Variants in VLDLR observed in about 807,000 individuals in gnomAD.
The protein encoded by VLDLR is very low-density lipoprotein receptor.
VLDLR carries 81 observed loss-of-function variants against 112.7 expected under a neutral mutation model. That is an observed-to-expected ratio of 0.72 (90% CI 0.60 to 0.86). The LOEUF (loss-of-function observed/expected upper bound fraction) is 0.86. VLDLR is among the 40% of genes least tolerant of loss of function. The pLI is 0.00. For synonymous variants in VLDLR, 436 were observed against 384.8 expected, an observed-to-expected ratio of 1.13 and a Z score of -1.56; for missense variants, 1,237 against 1,099.4, an observed-to-expected ratio of 1.13 and a Z score of -1.77.
At chr9:2,631,371 T>C (rs1192235431) in intron 1 of VLDLR, among the ~76,000 whole-genome samples, 1 of 152,214 alleles carries the variant, frequency 6.6e-6, no homozygotes, top group Non-Finnish European at 1.5e-5. Context: ...GGCATGTTTA[T>C]TGCAGCACTA....
rs1306172005 is a variant in VLDLR, at chr9:2,641,448, A to C, written c.397A>C (p.Arg133=). 5 of 1,614,072 alleles carry C rather than the reference A, an allele frequency of 3.1e-6. No homozygotes were observed. The Admixed American group carries it at 6.7e-5, about 22-fold the overall frequency. Residue 133 remains arginine, a synonymous_variant, in exon 4 of 19, where the codon AGA becomes CGA. Transcript: ENST00000382100. ...TACTCAGTGTATCCCAGTGTCCTGG[A>C]GATGTGATGGTGAAAATGATTGTGA... is the stretch of plus-strand genomic sequence containing the variant. The part of the protein sequence containing the change: ...HSTQCIPVSW[R]CDGENDCDSG...
In VLDLR at chr9:2,648,791, T is replaced by C. The variant is rs748367754; in HGVS notation, c.2085T>C (p.His695=). The change falls in exon 14 of 19, where the codon CAT becomes CAC. Residue 695 remains histidine, a synonymous_variant. Coordinates refer to ENST00000382100, the MANE Select transcript of VLDLR (RefSeq NM_003383.5). The part of the protein sequence containing the change: ...LNDAQDIIVY[H]ELVQPSGKNW... ...ATGCCCAAGACATCATTGTCTATCA[T>C]GAACTTGTACAGCCATCAGGTACCG... 5.0e-6 allele frequency: 8 copies of C among 1,614,044 alleles called. No individual in the cohort carries two copies. The African/African-American group carries it at 6.7e-5, about 13-fold the overall frequency.
Position 2,647,567 on chromosome 9 carries a change from C to A in VLDLR, c.1797C>A (p.Ile599=). ...FDRRPLVTAD[I]QWPNGITLDL... is the part of the protein sequence containing the mutation. The stretch of plus-strand genomic sequence containing the variant: ...GACGTCCACTGGTGACAGCGGATAT[C>A]CAGTGGCCTAACGGAATTACACTTG... Residue 599 remains isoleucine (I), a synonymous_variant, in exon 12 of 19, where the codon ATC becomes ATA. Coordinates refer to ENST00000382100, the MANE Select transcript of VLDLR (RefSeq NM_003383.5). 6.2e-7 allele frequency: 1 copy of A among 1,614,096 alleles called. No individual in the cohort carries two copies. The highest frequency in any genetic ancestry group is 8.5e-7 in the Non-Finnish European group (1 of 1,179,954).
At position 2,643,944 on chromosome 9, in the gene VLDLR, C is replaced by G; in HGVS notation, c.1051C>G (p.Pro351Ala). 6.2e-7 allele frequency: 1 copy of G among 1,614,014 alleles called. No homozygotes were observed. The highest frequency in any genetic ancestry group is 8.5e-7 in the Non-Finnish European group (1 of 1,180,016). Residue 351 changes from proline to alanine, a missense_variant, in exon 7 of 19, where the codon CCC (proline) becomes GCC (alanine). Physicochemically the swap from Pro to Ala is conservative, Grantham distance 27. Coordinates refer to ENST00000382100, the MANE Select transcript of VLDLR (RefSeq NM_003383.5). Reference sequence around the variant, plus strand: ...GGACTGCAGGGACTGGAGTGATGAGCCCCTGAAAGAGTGTCGTAAGTGTAC... The same window carrying G: ...GGACTGCAGGGACTGGAGTGATGAGGCCCTGAAAGAGTGTCGTAAGTGTAC... ...EQDCRDWSDEPLKECHINECL... is the reference protein window; with the variant it reads ...EQDCRDWSDEALKECHINECL...
At position 2,638,290 on chromosome 9, in the gene VLDLR, T is replaced by A. The variant is rs371805276; in HGVS notation, c.203-1569T>A. On this transcript the variant is annotated intron_variant, in intron 2 of 18. Transcript: ENST00000382100. ...TCAACCCATCTTGAGTTCTAGAAAT[T>A]AACTGTAATCACTGTCTCTCTCCTT... 7.2e-5 allele frequency among the ~76,000 whole-genome samples: 11 copies of A among 152,280 alleles called. No homozygotes were observed. The East Asian group carries it at 9.7e-4, about 13-fold the overall frequency.
intron 18 of VLDLR, 26 bp from the exon 19 acceptor site, chr9:2,653,807 C>T (rs752149286): frequency 6.8e-6 from 11 of 1,613,810 alleles, no homozygotes; most frequent in Middle Eastern, 1.7e-4. Flanking sequence ...TCACCAAGCT[C>T]ATTCTATACT....
intron 16 of VLDLR, 31 bp downstream of exon 16, chr9:2,651,529 C>T (rs890827056): frequency 2.8e-5 from 44 of 1,549,148 alleles, no homozygotes; most frequent in Non-Finnish European, 3.7e-5. Flanking sequence ...AACTGTTAAT[C>T]TCAACTAACA....
In VLDLR at chr9:2,643,827, C is replaced by T. The variant is rs780867114; in HGVS notation, c.944-10C>T. The T allele has an allele frequency of 7.4e-6, 12 of 1,614,184 alleles. No individual in the cohort carries two copies. The highest frequency in any genetic ancestry group is 2.2e-5 in the East Asian group (1 of 44,884). Reference sequence around the variant, plus strand: ...CTCATGGAATCTCTCTTCTTTGTTTCTCTTTGTAGTCAATCAGTGCTTGGG... The same window carrying T: ...CTCATGGAATCTCTCTTCTTTGTTTTTCTTTGTAGTCAATCAGTGCTTGGG... On this transcript the variant is annotated splice_polypyrimidine_tract_variant and intron_variant, in intron 6 of 18. Transcript: ENST00000382100.
intron 2 of VLDLR, among the ~76,000 whole-genome samples, chr9:2,637,386 T>C (rs987668148): frequency 1.3e-5 from 2 of 152,218 alleles, no homozygotes; most frequent in African/African-American, 4.8e-5. Context: ...AACTCATTCT[T>C]TTATAATGTT....
intron 15 of VLDLR, 129 bp downstream of exon 15, chr9:2,650,645 G>A: frequency 7.7e-7 from 1 of 1,301,428 alleles, no homozygotes; most frequent in Non-Finnish European, 1.1e-6. Context: ...ATCTGCTATT[G>A]TATGCCGGGT....
In VLDLR at chr9:2,641,482, A is replaced by G; in HGVS notation, c.431A>G (p.Glu144Gly). 1 of 1,614,132 alleles carries G rather than the reference A, an allele frequency of 6.2e-7. No individual in the cohort carries two copies. The highest frequency in any genetic ancestry group is 8.5e-7 in the Non-Finnish European group (1 of 1,180,020). The change falls in exon 4 of 19, where the codon GAA becomes GGA. Residue 144 changes from glutamate to glycine, a missense_variant. Physicochemically the swap from Glu to Gly is moderately conservative, Grantham distance 98. Transcript: ENST00000382100. ...GGTGAAAATGATTGTGACAGTGGAGAAGATGAAGAAAACTGTGGTAAGAAG... is the reference window on the plus strand; with the variant it reads ...GGTGAAAATGATTGTGACAGTGGAGGAGATGAAGAAAACTGTGGTAAGAAG... Reference protein sequence around the residue: ...CDGENDCDSGEDEENCGNITC... With the variant: ...CDGENDCDSGGDEENCGNITC...
chr9:2,644,786 C>G lies in VLDLR; in HGVS notation c.1119C>G (p.Asp373Glu), dbSNP rs1443796712. 3.1e-6 allele frequency: 5 copies of G among 1,614,020 alleles called. No individual in the cohort carries two copies. The African/African-American group carries it at 4.0e-5, about 13-fold the overall frequency. Reference sequence around the variant, plus strand: ...GTGGATGTTCTCATATCTGCAAAGACCTAGTTATAGGCTACGAGTGTGACT... The same window carrying G: ...GTGGATGTTCTCATATCTGCAAAGAGCTAGTTATAGGCTACGAGTGTGACT... ...NNGGCSHICK[D>E]LVIGYECDCA... The change falls in exon 8 of 19, where the codon GAC becomes GAG. Residue 373 changes from aspartate (D) to glutamate (E), a missense_variant. Physicochemically the swap from Asp to Glu is conservative, Grantham distance 45. Coordinates refer to ENST00000382100, the MANE Select transcript of VLDLR (RefSeq NM_003383.5).
intron 7 of VLDLR, among the ~76,000 whole-genome samples, chr9:2,644,164 T>G (rs1239640032): frequency 2.8e-5 from 4 of 141,244 alleles, no homozygotes; most frequent in Non-Finnish European, 4.6e-5. Flanking sequence ...TTTTTTTTTT[T>G]TTTTTTTTTT....
At chr9:2,638,559 A>G (rs948132026) in intron 2 of VLDLR, among the ~76,000 whole-genome samples, 11 of 152,362 alleles carry the variant, frequency 7.2e-5, no homozygotes, top group African/African-American at 2.2e-4. Context: ...AGCTTAGGGT[A>G]TCCTGTGTGG....
Position 2,643,653 on chromosome 9 carries a change from A to G in VLDLR, c.846A>G (p.Gln282=), listed in dbSNP as rs543416415. Residue 282 remains glutamine (Q), a synonymous_variant, in exon 6 of 19, where the codon CAA becomes CAG. Coordinates refer to ENST00000382100, the MANE Select transcript of VLDLR (RefSeq NM_003383.5). Reference sequence around the variant, plus strand: ...CCTCTCGAACTTGCCGACCTGACCAATTTGAATGTGAGGATGGCAGCTGCA... The same window carrying G: ...CCTCTCGAACTTGCCGACCTGACCAGTTTGAATGTGAGGATGGCAGCTGCA... ...NCPSRTCRPD[Q]FECEDGSCIH... 9.3e-5 allele frequency: 150 copies of G among 1,614,114 alleles called. No individual in the cohort carries two copies. In the South Asian group the frequency reaches 1.6e-3, roughly 17 times the overall value.
intron 1 of VLDLR, among the ~76,000 whole-genome samples, chr9:2,634,705 T>C (rs982840828): frequency 1.3e-5 from 2 of 152,246 alleles, no homozygotes; most frequent in African/African-American, 4.8e-5. Context: ...ACAAATGATC[T>C]TCCTTTCCCT....
chr9:2,653,427 T>A (rs1818443628), intron 18 of VLDLR, among the ~76,000 whole-genome samples: 1 of 152,182 alleles, frequency 6.6e-6, no homozygotes, highest in Non-Finnish European at 1.5e-5. Context: ...AGTCACTCAC[T>A]TGTTCTTCAG....
At chr9:2,646,120 T>C (rs1350000142) in intron 10 of VLDLR, among the ~76,000 whole-genome samples, 3 of 151,962 alleles carry the variant, frequency 2.0e-5, no homozygotes, top group Admixed American at 2.0e-4. Flanking sequence ...TTGTTGTTCT[T>C]GTATATAGAA....
chr9:2,626,243 C>T (rs372062040), intron 1 of VLDLR, among the ~76,000 whole-genome samples: 11 of 152,238 alleles, frequency 7.2e-5, no homozygotes, highest in East Asian at 1.9e-4. Flanking sequence ...ACATGAAATT[C>T]GTTTATATTT....
Sources: allele counts gnomAD v4.1 joint callset (sites outside exome capture counted in the v4.1 genomes callset), GRCh38; gene constraint gnomAD v4.1.1; transcripts MANE v1.5; gene names NCBI Gene and HGNC (gene_info 2026-07-23, HGNC 2026-07-21).